The following CLSTN3 variants were observed in gnomAD, a reference collection of about 807,000 sequenced individuals.
The protein encoded by CLSTN3 is calsyntenin 3.
Under a neutral mutation model 95.9 loss-of-function variants are expected in CLSTN3, and 36 were observed. The ratio of observed to expected loss-of-function variants is 0.38; its 90% confidence interval spans 0.29 to 0.50. The LOEUF (loss-of-function observed/expected upper bound fraction) is 0.50, where lower values mean the gene tolerates loss of function less well. CLSTN3 is among the 20% of genes least tolerant of loss of function. The pLI is 0.95. For synonymous variants in CLSTN3, 481 were observed against 504.0 expected (o/e 0.95, Z 0.61); for missense variants, 1,084 against 1,268.8 (o/e 0.85, Z 2.21).
At position 7,150,634 on chromosome 12, in the gene CLSTN3, G is replaced by T. The variant is rs746709429; in HGVS notation, c.2336G>T (p.Arg779Leu). 19 of 1,614,052 alleles carry T rather than the reference G, an allele frequency of 1.2e-5. No homozygotes were observed. The East Asian group carries it at 3.8e-4, about 32-fold the overall frequency. Residue 779 changes from arginine to leucine, a missense_variant, in exon 15 of 18, where the codon CGG (arginine) becomes CTG (leucine). Transcript: ENST00000266546. This position sits in a 1 kb window ranked among gnomAD's most constrained non-coding sequence, Gnocchi z 4.0. ...GCTGCCCTCTACACCAGGAAGTTCCGGCTTTCCTGCTCGGAAATGAATGGC... is the reference window on the plus strand; with the variant it reads ...GCTGCCCTCTACACCAGGAAGTTCCTGCTTTCCTGCTCGGAAATGAATGGC... ...HGAALYTRKFRLSCSEMNGRY... is the reference protein window; with the variant it reads ...HGAALYTRKFLLSCSEMNGRY...
chr12:7,131,095 C>T, intron 1 of CLSTN3: 1 of 395,404 alleles, frequency 2.5e-6, no homozygotes, highest in Non-Finnish European at 4.8e-6. Flanking sequence ...TTCACTGGCG[C>T]ATGCTAAGGG....
chr12:7,135,855 A>C lies in CLSTN3; in HGVS notation c.644A>C (p.Lys215Thr), dbSNP rs1436187000. 1.9e-6 allele frequency: 3 copies of C among 1,614,000 alleles called. No homozygotes were observed. The Admixed American group carries it at 5.0e-5, about 27-fold the overall frequency. Reference protein sequence around the residue: ...KLQYSGERLYKFTVTAYDCGK... With the variant: ...KLQYSGERLYTFTVTAYDCGK... ...CAGTACAGTGGTGAGAGGCTCTATA[A>C]GTTTACAGTGACAGCTTATGACTGT... The change falls in exon 5 of 18, where the codon AAG becomes ACG. Residue 215 changes from lysine to threonine, a missense_variant. By Grantham distance (78) the Lys-to-Thr change is moderately conservative. Coordinates refer to ENST00000266546, the MANE Select transcript of CLSTN3 (RefSeq NM_014718.4).
At chr12:7,145,908 C>T (rs1055890030) in intron 12 of CLSTN3, among the ~76,000 whole-genome samples, 1 of 152,188 alleles carries the variant, frequency 6.6e-6, no homozygotes, top group East Asian at 1.9e-4. Context: ...CACCTGGACC[C>T]TGCCTCTGTG....
rs1175618918 is a variant in CLSTN3 at position 7,156,325 on chromosome 12, G to C, written c.2528-1164G>C. On this transcript the variant is annotated intron_variant, in intron 16 of 17. Coordinates refer to ENST00000266546, the MANE Select transcript of CLSTN3 (RefSeq NM_014718.4). ...GGGCTTTCCTGCTTTTCTTCCTTGT[G>C]CTTCTTCGAGAGCTGTGTGTGTGTG... 3 of 457,030 alleles carry C rather than the reference G, an allele frequency of 6.6e-6. No individual in the cohort carries two copies. In the Admixed American group the frequency reaches 7.0e-5, roughly 11 times the overall value. 28.3% of individuals were successfully genotyped at this position (457,030 alleles called of 1,614,324 possible).
rs1591624794 is a variant in CLSTN3 at position 7,158,261 on chromosome 12, GC to G, written c.*186del. 1.3e-4 allele frequency: 85 copies of G among 665,642 alleles called. No homozygotes were observed. In the East Asian group the frequency reaches 2.4e-3, roughly 19 times the overall value. 41.2% of individuals were successfully genotyped at this position (665,642 alleles called of 1,614,324 possible). A position where few individuals can be genotyped will look rare whatever the true frequency, so the allele number is the denominator to read the frequency against. ...TGGAGTCCGCCCTGCCCCTCCCCCG[GC>G]CCCCCATCCCTCACTTCTGGGCTGT... On this transcript the variant is annotated 3_prime_UTR_variant, in exon 18 of 18. Transcript: ENST00000266546.
At chr12:7,151,175 G>A in intron 16 of CLSTN3, 112 bp downstream of exon 16, 1 of 1,277,248 alleles carries the variant, frequency 7.8e-7, no homozygotes. Context: ...TGGAGCAATG[G>A]GTTCTGTTCC....
chr12:7,130,453 C>A lies in CLSTN3; in HGVS notation c.-196C>A. 1 of 1,467,686 alleles carries A rather than the reference C, an allele frequency of 6.8e-7. No individual in the cohort carries two copies. Among genetic ancestry groups the A allele is most frequent in the Non-Finnish European group, 9.0e-7 (1 of 1,111,216 alleles). The allele number at this position is 1,467,686 out of a possible 1,614,324, so 90.9% of individuals were successfully genotyped here. A position where few individuals can be genotyped will look rare whatever the true frequency, so the allele number is the denominator to read the frequency against. Reference sequence around the variant, plus strand: ...AAACGGGAAGCCGCTGCAAGTCCACCGCCTCAGCTACCCAGATTGGGATCT... The same window carrying A: ...AAACGGGAAGCCGCTGCAAGTCCACAGCCTCAGCTACCCAGATTGGGATCT... On this transcript the variant is annotated 5_prime_UTR_variant, in exon 1 of 18. Coordinates refer to ENST00000266546, the MANE Select transcript of CLSTN3 (RefSeq NM_014718.4).
chr12:7,129,884 T>C (rs1047856258), upstream of CLSTN3: 14 of 904,912 alleles, frequency 1.5e-5, no homozygotes, highest in African/African-American at 1.8e-5. The surrounding 1 kb of genome is among the most constrained non-coding windows in gnomAD (Gnocchi z 5.5). Context: ...AGAGCCTCGA[T>C]ACCGCCCTGC....
rs756503676 is a variant in CLSTN3, at chr12:7,136,913, A to G, written c.1013A>G (p.Gln338Arg). Residue 338 changes from glutamine (Q) to arginine (R), a missense_variant, in exon 7 of 18, where the codon CAG (glutamine) becomes CGG (arginine). Transcript: ENST00000266546. Reference sequence around the variant, plus strand: ...GCAGGACTCTCGGTGCACTACAGCCAGGACAGCAGCCTGATCTACTGGTTC... The same window carrying G: ...GCAGGACTCTCGGTGCACTACAGCCGGGACAGCAGCCTGATCTACTGGTTC... ...WTAGLSVHYS[Q>R]DSSLIYWFNG... 1 of 1,614,118 alleles carries G rather than the reference A, an allele frequency of 6.2e-7. No individual in the cohort carries two copies. The highest frequency in any genetic ancestry group is 1.3e-5 in the African/African-American group (1 of 75,038).
In CLSTN3 at chr12:7,133,880, G is replaced by A. The variant is rs1939355122; in HGVS notation, c.383+112G>A. ...CGAATATCCACCCCCACCCGCTGCT[G>A]TTCCTAGGACTTAGGGAGCCCCATC... is the stretch of plus-strand genomic sequence containing the variant. On this transcript the variant is annotated intron_variant, in intron 3 of 17. Coordinates refer to ENST00000266546, the MANE Select transcript of CLSTN3 (RefSeq NM_014718.4). The surrounding 1 kb of genome is among the most constrained non-coding windows in gnomAD (Gnocchi z 4.7). The A allele has an allele frequency of 3.4e-6, 3 of 892,858 alleles. No individual in the cohort carries two copies. The highest frequency in any genetic ancestry group is 3.0e-5 in the Admixed American group (1 of 33,472). 55.3% of individuals were successfully genotyped at this position (892,858 alleles called of 1,614,324 possible). A position where few individuals can be genotyped will look rare whatever the true frequency, so the allele number is the denominator to read the frequency against.
intron 1 of CLSTN3, chr12:7,131,961 C>T (rs1005697396): frequency 7.9e-5 from 36 of 453,914 alleles, no homozygotes; most frequent in Non-Finnish European, 1.5e-4. Flanking sequence ...CTCAGTTTCC[C>T]TCTGCCTCAT....
At chr12:7,142,663 C>G (rs1939548184) in intron 10 of CLSTN3, among the ~76,000 whole-genome samples, 1 of 150,856 alleles carries the variant, frequency 6.6e-6, no homozygotes, top group Non-Finnish European at 1.5e-5. Context: ...TTTCTCCCTT[C>G]TCTAGCCTCC....
chr12:7,148,753 G>A (rs1418192630), intron 12 of CLSTN3, among the ~76,000 whole-genome samples: 1 of 152,152 alleles, frequency 6.6e-6, no homozygotes, highest in Non-Finnish European at 1.5e-5. Flanking sequence ...TTCTGTCCTC[G>A]ACATTTTCCT....
Position 7,149,840 on chromosome 12 carries a change from C to A in CLSTN3, c.2245+147C>A, listed in dbSNP as rs779050770. The A allele has an allele frequency of 2.9e-5, 21 of 725,144 alleles. No individual in the cohort carries two copies. Among genetic ancestry groups the A allele is most frequent in the Admixed American group, 2.7e-4 (9 of 33,950 alleles). The allele number at this position is 725,144 out of a possible 1,614,324, so 44.9% of individuals were successfully genotyped here. A position where few individuals can be genotyped will look rare whatever the true frequency, so the allele number is the denominator to read the frequency against. On this transcript the variant is annotated intron_variant, in intron 14 of 17. Transcript: ENST00000266546. This position sits in a 1 kb window ranked among gnomAD's most constrained non-coding sequence, Gnocchi z 4.5. ...TTTCCTAGCCTGGAAGATCCTCTGG[C>A]TTTGATTGTCCCTAGGGAAGGTGTG...
intron 16 of CLSTN3, among the ~76,000 whole-genome samples, chr12:7,155,631 G>A (rs1275004580): frequency 6.6e-6 from 1 of 152,232 alleles, no homozygotes; most frequent in Non-Finnish European, 1.5e-5. Context: ...CCTGCAGATG[G>A]GCAGGAGAGA....
rs1939693019 is a variant in CLSTN3, at chr12:7,149,773, C to T, written c.2245+80C>T. The T allele has an allele frequency of 7.3e-7, 1 of 1,363,296 alleles. No homozygotes were observed. The highest frequency in any genetic ancestry group is 1.5e-5 in the African/African-American group (1 of 68,628). The allele number at this position is 1,363,296 out of a possible 1,614,324, so 84.4% of individuals were successfully genotyped here. ...AAGGGCCTAGGAAGCCCAGAGGGTC[C>T]TCCTTCCAGGTCCAGGGATGTGGAC... On this transcript the variant is annotated intron_variant, in intron 14 of 17. Transcript: ENST00000266546. The surrounding 1 kb of genome is among the most constrained non-coding windows in gnomAD (Gnocchi z 4.5).
chr12:7,132,565 C>T lies in CLSTN3; in HGVS notation c.65-459C>T, dbSNP rs765846413. ...TGAAATGAGTTGGGAGGAGGATAAG[C>T]AATCAGGATCTCAGGAAACTTCTAG... On this transcript the variant is annotated intron_variant, in intron 1 of 17. Coordinates refer to ENST00000266546, the MANE Select transcript of CLSTN3 (RefSeq NM_014718.4). The T allele has an allele frequency of 2.3e-5, 7 of 299,090 alleles. No homozygotes were observed. In the South Asian group the frequency reaches 3.5e-4, roughly 15 times the overall value. The allele number at this position is 299,090 out of a possible 1,614,324, so 18.5% of individuals were successfully genotyped here.
At position 7,149,413 on chromosome 12, in the gene CLSTN3, C is replaced by A; in HGVS notation, c.2075-110C>A. On this transcript the variant is annotated intron_variant, in intron 13 of 17. Coordinates refer to ENST00000266546, the MANE Select transcript of CLSTN3 (RefSeq NM_014718.4). This position sits in a 1 kb window ranked among gnomAD's most constrained non-coding sequence, Gnocchi z 4.5. ...ATTCTTGAAAATGATGCTGACTTCC[C>A]TCTCCCTGGCCCTGGAAAGGGAGGG... The A allele has an allele frequency of 9.2e-7, 1 of 1,091,342 alleles. No homozygotes were observed. Among genetic ancestry groups the A allele is most frequent in the East Asian group, 2.4e-5 (1 of 41,736 alleles). 67.6% of individuals were successfully genotyped at this position (1,091,342 alleles called of 1,614,324 possible). A position where few individuals can be genotyped will look rare whatever the true frequency, so the allele number is the denominator to read the frequency against.
rs1939698968 is a variant in CLSTN3 at position 7,150,164 on chromosome 12, A to G, written c.2246-380A>G. Among the ~76,000 whole-genome samples, 1 of 152,246 alleles carries G rather than the reference A, an allele frequency of 6.6e-6. No homozygotes were observed. The highest frequency in any genetic ancestry group is 1.5e-5 in the Non-Finnish European group (1 of 68,042). ...GAAGCCAGGAGGGAGAATGGAGAAGATGGAGATAATCAGTTCCCTTCTATT... is the reference window on the plus strand; with the variant it reads ...GAAGCCAGGAGGGAGAATGGAGAAGGTGGAGATAATCAGTTCCCTTCTATT... On this transcript the variant is annotated intron_variant, in intron 14 of 17. Transcript: ENST00000266546. This position sits in a 1 kb window ranked among gnomAD's most constrained non-coding sequence, Gnocchi z 4.0.
Sources: allele counts gnomAD v4.1 joint callset (sites outside exome capture counted in the v4.1 genomes callset), GRCh38; gene constraint gnomAD v4.1.1; non-coding constraint Gnocchi (gnomAD v3.1); transcripts MANE v1.5; gene names NCBI Gene and HGNC (gene_info 2026-07-23, HGNC 2026-07-21).